BMP7: variants seen among roughly 807,000 people sequenced by gnomAD.
BMP7 encodes the protein bone morphogenetic protein 7.
In BMP7, 12 loss-of-function variants were observed where a neutral mutation model predicts 41.2. The observed-to-expected ratio is 0.29, with a 90% confidence interval of 0.19 to 0.47. The LOEUF (loss-of-function observed/expected upper bound fraction) is 0.47. BMP7 is among the 20% of genes least tolerant of loss of function. The pLI, the probability that BMP7 is intolerant of heterozygous loss-of-function variation, is 0.99. For missense variants in BMP7, 467 were observed against 606.0 expected (o/e 0.77, Z 2.41); for synonymous variants, 248 against 250.0 (o/e 0.99, Z 0.07).
chr20:57,238,103 C>A (rs1264732546), intron 1 of BMP7, among the ~76,000 whole-genome samples: 2 of 152,192 alleles, frequency 1.3e-5, no homozygotes, highest in African/African-American at 4.8e-5. Flanking sequence ...CCATTAAACA[C>A]TAACTCCCCT....
intron 1 of BMP7, among the ~76,000 whole-genome samples, chr20:57,236,240 GA>G (rs1439887331): frequency 6.6e-6 from 1 of 152,216 alleles, no homozygotes; most frequent in Non-Finnish European, 1.5e-5. Context: ...AGCATATGAA[GA>G]GGGGGAACTA....
chr20:57,223,385 T>C (rs1464282474), intron 2 of BMP7, among the ~76,000 whole-genome samples: 1 of 152,138 alleles, frequency 6.6e-6, no homozygotes, highest in Non-Finnish European at 1.5e-5. Flanking sequence ...GTTCAACCCC[T>C]ACGGATCAGG....
intron 1 of BMP7, among the ~76,000 whole-genome samples, chr20:57,258,701 A>G (rs2066143264): frequency 6.6e-6 from 1 of 152,178 alleles, no homozygotes; most frequent in African/African-American, 2.4e-5. Flanking sequence ...TTCATCCTCA[A>G]ATAAGTTTGG....
chr20:57,249,797 C>T lies in BMP7; in HGVS notation c.418+15908G>A, dbSNP rs563075002. Among the ~76,000 whole-genome samples, 5 of 152,294 alleles carry T rather than the reference C, an allele frequency of 3.3e-5. No individual in the cohort carries two copies. The East Asian group carries it at 9.7e-4, about 29-fold the overall frequency. ...GATGAGCCTAGAAGAGGCTCTGCAG[C>T]GAGACTGGACCCCCAAGGCAGCCAG... On this transcript the variant is annotated intron_variant, in intron 1 of 6. Transcript: ENST00000395863.
intron 2 of BMP7, among the ~76,000 whole-genome samples, chr20:57,222,409 T>G (rs1985209502): frequency 6.6e-6 from 1 of 152,180 alleles, no homozygotes; most frequent in Non-Finnish European, 1.5e-5. Flanking sequence ...TGGCATTAAC[T>G]GGATTGAACA....
chr20:57,246,178 C>T (rs1158764600), intron 1 of BMP7, among the ~76,000 whole-genome samples: 2 of 152,192 alleles, frequency 1.3e-5, no homozygotes, highest in Non-Finnish European at 1.5e-5. Context: ...CCTCAATAAG[C>T]AGTTTCATTA....
intron 4 of BMP7, among the ~76,000 whole-genome samples, chr20:57,178,373 A>G (rs893926551): frequency 2.0e-5 from 3 of 152,126 alleles, no homozygotes; most frequent in African/African-American, 4.8e-5. Context: ...CCAAGGCTCA[A>G]TGCTGCAAGG....
At chr20:57,250,936 G>A (rs1174068085) in intron 1 of BMP7, among the ~76,000 whole-genome samples, 2 of 152,226 alleles carry the variant, frequency 1.3e-5, no homozygotes, top group Non-Finnish European at 2.9e-5. Context: ...TCATCGCAAA[G>A]AGAAGGCCAG....
chr20:57,217,579 G>C (rs1344949460), intron 2 of BMP7, among the ~76,000 whole-genome samples: 2 of 152,106 alleles, frequency 1.3e-5, no homozygotes, highest in Non-Finnish European at 2.9e-5. Context: ...AAATAGGTGG[G>C]GCTGAGATAG....
At chr20:57,243,117 T>TAGC (rs1334883112) in intron 1 of BMP7, among the ~76,000 whole-genome samples, 1 of 152,196 alleles carries the variant, frequency 6.6e-6, no homozygotes, top group Admixed American at 6.5e-5. Flanking sequence ...CACTGCTTTG[T>TAGC]AGCACCAAGG....
At chr20:57,202,025 C>T (rs1984632854) in intron 3 of BMP7, among the ~76,000 whole-genome samples, 2 of 152,216 alleles carry the variant, frequency 1.3e-5, no homozygotes, top group Admixed American at 1.3e-4. Context: ...TTTTCGGTGT[C>T]ACAACTGGGA....
chr20:57,250,271 AAT>A (rs10622992), intron 1 of BMP7, among the ~76,000 whole-genome samples: 3 of 142,284 alleles, frequency 2.1e-5, no homozygotes, highest in African/African-American at 8.1e-5. Flanking sequence ...TTTCTACAAA[AAT>A]ATATATAGAG....
At position 57,224,330 on chromosome 20, in the gene BMP7, G is replaced by T. The variant is rs1336562913; in HGVS notation, c.611+3899C>A. On this transcript the variant is annotated intron_variant, in intron 2 of 6. Coordinates refer to ENST00000395863, the MANE Select transcript of BMP7 (RefSeq NM_001719.3). This position sits in a 1 kb window ranked among gnomAD's most constrained non-coding sequence, Gnocchi z 4.8. ...AGCTGCCAACATCATCTCGACCTTG[G>T]TGGCGGCCGACTCCCTTGGAGCAGA... Among the ~76,000 whole-genome samples the T allele has an allele frequency of 6.6e-6, 1 of 152,182 alleles. No individual in the cohort carries two copies. The highest frequency in any genetic ancestry group is 1.5e-5 in the Non-Finnish European group (1 of 68,040).
chr20:57,223,531 T>C (rs1316459241), intron 2 of BMP7, among the ~76,000 whole-genome samples: 1 of 152,226 alleles, frequency 6.6e-6, no homozygotes, highest in African/African-American at 2.4e-5. Flanking sequence ...ATGGCTAAGA[T>C]GGTGACTGCT....
Position 57,228,869 on chromosome 20 carries a change from G to T in BMP7, c.419-448C>A, listed in dbSNP as rs2066018251. ...TCCTTCATGGGTTATGGTCAGGGTT[G>T]AATGATCTCATTCACACAAATAGTT... On this transcript the variant is annotated intron_variant, in intron 1 of 6. Transcript: ENST00000395863. This position sits in a 1 kb window ranked among gnomAD's most constrained non-coding sequence, Gnocchi z 4.5. Among the ~76,000 whole-genome samples, 1 of 152,224 alleles carries T rather than the reference G, an allele frequency of 6.6e-6. No homozygotes were observed. Among genetic ancestry groups the T allele is most frequent in the African/African-American group, 2.4e-5 (1 of 41,452 alleles).
intron 1 of BMP7, among the ~76,000 whole-genome samples, chr20:57,265,206 G>T (rs2066171169): frequency 1.3e-5 from 2 of 152,238 alleles, no homozygotes; most frequent in Non-Finnish European, 2.9e-5. Flanking sequence ...CGCGCGGTAC[G>T]CTAAGGCGGG....
intron 2 of BMP7, among the ~76,000 whole-genome samples, chr20:57,208,917 C>T (rs1339375614): frequency 6.6e-6 from 1 of 152,096 alleles, no homozygotes; most frequent in Non-Finnish European, 1.5e-5. Flanking sequence ...GGTGTGGTGG[C>T]TCACACCTGT....
intron 3 of BMP7, among the ~76,000 whole-genome samples, chr20:57,192,533 T>G (rs1168519590): frequency 1.3e-5 from 2 of 151,714 alleles, no homozygotes; most frequent in Non-Finnish European, 2.9e-5. Flanking sequence ...ATTATTTGTA[T>G]TTAAATGTCC....
chr20:57,264,087 CT>C (rs372875707), intron 1 of BMP7, among the ~76,000 whole-genome samples: 51 of 152,314 alleles, frequency 3.3e-4, no homozygotes, highest in African/African-American at 1.2e-3. Context: ...ATAATTTAAA[CT>C]TTTTTGAAGG....
Sources: allele counts gnomAD v4.1 joint callset (sites outside exome capture counted in the v4.1 genomes callset), GRCh38; gene constraint gnomAD v4.1.1; non-coding constraint Gnocchi (gnomAD v3.1); transcripts MANE v1.5; gene names NCBI Gene and HGNC (gene_info 2026-07-23, HGNC 2026-07-21).